GLI2: variants seen among roughly 807,000 people sequenced by gnomAD.
GLI2 encodes the protein transcription activator GLI2.
GLI2 carries 22 observed loss-of-function variants against 78.9 expected under a neutral mutation model. The observed-to-expected ratio is 0.28, with a 90% CI of 0.20 to 0.40. The LOEUF (loss-of-function observed/expected upper bound fraction) is 0.40, where lower values mean the gene tolerates loss of function less well. Ranked by LOEUF, GLI2 falls within the 10% of genes least tolerant of loss-of-function variation. The pLI is 1.00. For synonymous variants in GLI2, 974 were observed against 963.7 expected, an observed-to-expected ratio of 1.01 and a Z score of -0.20; for missense variants, 2,097 against 2,213.2, an observed-to-expected ratio of 0.95 and a Z score of 1.05.
intron 12 of GLI2, 37 bp from the exon 13 acceptor site, chr2:120,986,241 C>T (rs762239350): frequency 7.6e-6 from 12 of 1,579,566 alleles, no homozygotes; most frequent in Non-Finnish European, 1.0e-5. Flanking sequence ...AATCTGATAC[C>T]CTCTGAGTCT....
rs1682330731 is a variant in GLI2, at chr2:120,735,874, G to T, written c.-442G>T. On this transcript the variant is annotated 5_prime_UTR_variant, in exon 1 of 14. An upstream start codon of the reference 5' UTR is lost. Transcript: ENST00000361492. ...CGCTGCGCAGTCCGGCGGCGCTGATGGATTGCAGAAGTGCCGGCGCTTGCC... is the reference window on the plus strand; with the variant it reads ...CGCTGCGCAGTCCGGCGGCGCTGATTGATTGCAGAAGTGCCGGCGCTTGCC... Among the ~76,000 whole-genome samples, 1 of 151,952 alleles carries T rather than the reference G, an allele frequency of 6.6e-6. No individual in the cohort carries two copies.
intron 1 of GLI2, among the ~76,000 whole-genome samples, chr2:120,739,846 A>G (rs961123176): frequency 6.6e-6 from 1 of 152,270 alleles, no homozygotes; most frequent in Non-Finnish European, 1.5e-5. Flanking sequence ...ACCAGAATGT[A>G]CAGTGATTTC....
At position 120,815,575 on chromosome 2, in the gene GLI2, CT is replaced by C. The variant is rs554721904; in HGVS notation, c.148+18108del. Among the ~76,000 whole-genome samples the C allele has an allele frequency of 2.7e-3, 413 of 152,352 alleles. 3 individuals are homozygous for C. Among genetic ancestry groups the C allele is most frequent in the African/African-American group, 9.7e-3 (403 of 41,582 alleles). On this transcript the variant is annotated intron_variant, in intron 2 of 13. Transcript: ENST00000361492. ...CCTGAGCTCTGTGGTCACGTGCCCC[CT>C]GGCCCACCTCTCTAGCCTCTGTGCC...
intron 2 of GLI2, among the ~76,000 whole-genome samples, chr2:120,886,368 C>T (rs142485916): frequency 1.3e-5 from 2 of 152,104 alleles, no homozygotes; most frequent in East Asian, 1.9e-4. Context: ...TGGGCTTAAG[C>T]GATTCTCCCA....
At chr2:120,843,823 C>A (rs28595336) in intron 2 of GLI2, among the ~76,000 whole-genome samples, 1 of 152,110 alleles carries the variant, frequency 6.6e-6, no homozygotes, top group Non-Finnish European at 1.5e-5. Flanking sequence ...CATGCCACCA[C>A]GCTTGGCTAA....
At chr2:120,815,999 A>C (rs1374821675) in intron 2 of GLI2, among the ~76,000 whole-genome samples, 10 of 152,230 alleles carry the variant, frequency 6.6e-5, no homozygotes, top group Non-Finnish European at 5.9e-5. Flanking sequence ...GGTGGGTTGT[A>C]TGACCCTCCC....
chr2:120,777,345 G>A (rs139756176), intron 1 of GLI2, among the ~76,000 whole-genome samples: 59 of 152,112 alleles, frequency 3.9e-4, no homozygotes, highest in Admixed American at 8.5e-4. Context: ...TGTGGGAGAC[G>A]GAGTGGGCGT....
At chr2:120,869,058 C>T (rs1247415560) in intron 2 of GLI2, among the ~76,000 whole-genome samples, 2 of 152,170 alleles carry the variant, frequency 1.3e-5, no homozygotes, top group East Asian at 3.9e-4. Context: ...GCCAAGAGTT[C>T]TCTATTCTGT....
At chr2:120,914,401 T>C (rs1678989186) in intron 2 of GLI2, among the ~76,000 whole-genome samples, 1 of 152,268 alleles carries the variant, frequency 6.6e-6, no homozygotes, top group African/African-American at 2.4e-5. Context: ...CCAGGGTCCC[T>C]GGGAGCCATG....
intron 3 of GLI2, among the ~76,000 whole-genome samples, chr2:120,940,073 T>C (rs1680382643): frequency 1.3e-5 from 2 of 152,254 alleles, no homozygotes; most frequent in Non-Finnish European, 1.5e-5. Context: ...TGTTTCCTTC[T>C]TGGGAAATGT....
intron 1 of GLI2, among the ~76,000 whole-genome samples, chr2:120,786,064 C>T (rs1683988951): frequency 6.6e-6 from 1 of 152,176 alleles, no homozygotes; most frequent in Non-Finnish European, 1.5e-5. Context: ...CTTGGGGTGG[C>T]TCCTGGCAAG....
chr2:120,890,172 T>C (rs961310702), intron 2 of GLI2, among the ~76,000 whole-genome samples: 2 of 152,212 alleles, frequency 1.3e-5, no homozygotes, highest in South Asian at 2.1e-4. Context: ...TTTGGCTGAA[T>C]CTTCGGGGAA....
chr2:120,833,691 C>T (rs1686474278), intron 2 of GLI2, among the ~76,000 whole-genome samples: 1 of 152,160 alleles, frequency 6.6e-6, no homozygotes, highest in Admixed American at 6.5e-5. Flanking sequence ...TCAGCTCCTG[C>T]CACGCTTCTG....
At chr2:120,835,772 A>G (rs1231513964) in intron 2 of GLI2, among the ~76,000 whole-genome samples, 2 of 152,142 alleles carry the variant, frequency 1.3e-5, no homozygotes, top group African/African-American at 4.8e-5. Context: ...ACACATATGC[A>G]CAGAAAGAGA....
chr2:120,753,173 T>A (rs1682930506), intron 1 of GLI2, among the ~76,000 whole-genome samples: 1 of 146,882 alleles, frequency 6.8e-6, no homozygotes, highest in Non-Finnish European at 1.5e-5. Context: ...CTCAGCTCAC[T>A]GCAACTTCTG....
rs1415477837 is a variant in GLI2, at chr2:120,955,143, T to G, written c.458-102T>G. 2.7e-4 allele frequency: 204 copies of G among 761,790 alleles called. 2 individuals are homozygous for G. The highest frequency in any genetic ancestry group is 5.7e-4 in the East Asian group (21 of 37,084). The allele number at this position is 761,790 out of a possible 1,614,324, so 47.2% of individuals were successfully genotyped here. On this transcript the variant is annotated intron_variant, in intron 4 of 13. Coordinates refer to ENST00000361492, the MANE Select transcript of GLI2 (RefSeq NM_001374353.1). ...AGAAACCCCGACACCAGGTGTGCATTTCTCTCTGCCTTTTTTTTTTTTTTT... is the reference window on the plus strand; with the variant it reads ...AGAAACCCCGACACCAGGTGTGCATGTCTCTCTGCCTTTTTTTTTTTTTTT...
chr2:120,754,928 C>T, intron 1 of GLI2, among the ~76,000 whole-genome samples: 1 of 151,626 alleles, frequency 6.6e-6, no homozygotes, highest in East Asian at 1.9e-4. Context: ...TCTTGGCTCA[C>T]TGCAGTCTCC....
chr2:120,864,172 C>T (rs1211746637), intron 2 of GLI2, among the ~76,000 whole-genome samples: 2 of 152,176 alleles, frequency 1.3e-5, no homozygotes, highest in Non-Finnish European at 2.9e-5. Context: ...CATGGTCTTC[C>T]TGCAGGGCTG....
At chr2:120,957,531 G>T (rs532813262) in intron 5 of GLI2, among the ~76,000 whole-genome samples, 1 of 152,216 alleles carries the variant, frequency 6.6e-6, no homozygotes, top group Non-Finnish European at 1.5e-5. Flanking sequence ...TGCCACACCC[G>T]AATGTCAGCT....
Sources: allele counts gnomAD v4.1 joint callset (sites outside exome capture counted in the v4.1 genomes callset), GRCh38; gene constraint gnomAD v4.1.1; transcripts MANE v1.5; gene names NCBI Gene and HGNC (gene_info 2026-07-23, HGNC 2026-07-21).